Variants in UBE2E1 observed in about 807,000 individuals in gnomAD.
UBE2E1 encodes the protein ubiquitin conjugating enzyme E2 E1, also known as ubiquitin-conjugating enzyme E2 E1.
UBE2E1 carries 6 observed loss-of-function variants against 21.4 expected under a neutral mutation model. The observed-to-expected ratio is 0.28, with a 90% confidence interval of 0.15 to 0.55. The LOEUF (loss-of-function observed/expected upper bound fraction) is 0.55, where lower values mean the gene tolerates loss of function less well. Among genes scored for constraint, UBE2E1 ranks in the 20% least tolerant of loss-of-function variants. The probability of loss-of-function intolerance (pLI) is 0.93; values close to 1 mark genes in which losing one functional copy is unlikely to be tolerated. For missense variants in UBE2E1, 142 were observed against 236.5 expected (o/e 0.60, Z 2.62); for synonymous variants, 87 against 82.7 (o/e 1.05, Z -0.28).
intron 3 of UBE2E1, among the ~76,000 whole-genome samples, chr3:23,827,224 T>C (rs1487395530): frequency 1.3e-5 from 2 of 152,190 alleles, no homozygotes; most frequent in African/African-American, 4.8e-5. Context: ...TATATTTTGC[T>C]TTGGGGTGAA....
chr3:23,815,378 A>G (rs1699493971), intron 3 of UBE2E1, among the ~76,000 whole-genome samples: 1 of 152,186 alleles, frequency 6.6e-6, no homozygotes. Flanking sequence ...AATAGTTTTA[A>G]GCCATTATAT....
chr3:23,878,165 G>A (rs1187588160), intron 3 of UBE2E1, among the ~76,000 whole-genome samples: 1 of 152,166 alleles, frequency 6.6e-6, no homozygotes, highest in African/African-American at 2.4e-5. Context: ...AGGGAGAAGA[G>A]ACCACTTTAA....
At chr3:23,809,214 G>T (rs745859872) in intron 2 of UBE2E1, among the ~76,000 whole-genome samples, 1 of 152,164 alleles carries the variant, frequency 6.6e-6, no homozygotes, top group Non-Finnish European at 1.5e-5. Context: ...TGCTGAAAGA[G>T]TAGCTATTAG....
Position 23,814,236 on chromosome 3 carries a change from C to T in UBE2E1, c.203+2726C>T, listed in dbSNP as rs565802229. 4.2e-4 allele frequency among the ~76,000 whole-genome samples: 64 copies of T among 152,264 alleles called. No homozygotes were observed. In the South Asian group the frequency reaches 0.013, roughly 32 times the overall value. ...CACTGTTTGTGTTCACTAATTTTGG[C>T]ACTTGGCAAAAATATTTGAAGTTAC... On this transcript the variant is annotated intron_variant, in intron 3 of 5. Transcript: ENST00000306627.
rs1342255221 is a variant in UBE2E1 at position 23,863,923 on chromosome 3, A to G, written c.204-23644A>G. On this transcript the variant is annotated intron_variant, in intron 3 of 5. Coordinates refer to ENST00000306627, the MANE Select transcript of UBE2E1 (RefSeq NM_003341.5). The surrounding 1 kb of genome is among the most constrained non-coding windows in gnomAD (Gnocchi z 4.3). ...CCTGCTAACTCTGTTTATAGCTGTC[A>G]TACCGGATTCTCGTGTCACTGTCTT... 2.0e-5 allele frequency among the ~76,000 whole-genome samples: 3 copies of G among 152,210 alleles called. No individual in the cohort carries two copies. Among genetic ancestry groups the G allele is most frequent in the Non-Finnish European group, 2.9e-5 (2 of 68,030 alleles).
Position 23,807,399 on chromosome 3 carries a change from C to G in UBE2E1, c.130C>G (p.Leu44Val), listed in dbSNP as rs373825917. Residue 44 changes from leucine to valine, a missense_variant, in exon 2 of 6, where the codon CTC (leucine) becomes GTC (valine). Coordinates refer to ENST00000306627, the MANE Select transcript of UBE2E1 (RefSeq NM_003341.5). ...AGTCAGCATGAGCAAAAACTCCAAA[C>G]TCCTCTCCACCAGCGCCAAGAGGTA... ...SKVSMSKNSK[L>V]LSTSAKRIQK... is the part of the protein sequence containing the mutation. 13 of 1,613,380 alleles carry G rather than the reference C, an allele frequency of 8.1e-6. No individual in the cohort carries two copies. Among genetic ancestry groups the G allele is most frequent in the Non-Finnish European group, 1.1e-5 (13 of 1,179,738 alleles).
intron 3 of UBE2E1, among the ~76,000 whole-genome samples, chr3:23,833,889 T>C (rs1699919697): frequency 6.6e-6 from 1 of 152,120 alleles, no homozygotes; most frequent in South Asian, 2.1e-4. Context: ...TCCCAGCTAC[T>C]CGAGAGGCTG....
intron 3 of UBE2E1, among the ~76,000 whole-genome samples, chr3:23,812,443 G>A (rs977870241): frequency 6.6e-6 from 1 of 152,210 alleles, no homozygotes; most frequent in Non-Finnish European, 1.5e-5. Context: ...AGATGAGTGT[G>A]TGGGAATAGG....
chr3:23,806,462 C>T lies in UBE2E1; in HGVS notation c.-34+374C>T, dbSNP rs1042614463. Among the ~76,000 whole-genome samples, 3 of 151,840 alleles carry T rather than the reference C, an allele frequency of 2.0e-5. No homozygotes were observed. Among genetic ancestry groups the T allele is most frequent in the African/African-American group, 4.8e-5 (2 of 41,386 alleles). On this transcript the variant is annotated intron_variant, in intron 1 of 5. Coordinates refer to ENST00000306627, the MANE Select transcript of UBE2E1 (RefSeq NM_003341.5). This position sits in a 1 kb window ranked among gnomAD's most constrained non-coding sequence, Gnocchi z 6.5. ...GGCGGGGGTTCGCGGGGATTAACCC[C>T]TCCGGGGCGGAAGGGCTCATTGTTA...
At chr3:23,874,115 G>A (rs1404180887) in intron 3 of UBE2E1, among the ~76,000 whole-genome samples, 2 of 152,206 alleles carry the variant, frequency 1.3e-5, no homozygotes, top group Non-Finnish European at 2.9e-5. Context: ...GGCAGCAGTT[G>A]CAGTGTGGAA....
At chr3:23,889,829 G>A in intron 5 of UBE2E1, 1 of 910,140 alleles carries the variant, frequency 1.1e-6, no homozygotes, top group Non-Finnish European at 1.3e-6. Context: ...GGTCAAAGCT[G>A]CAGTGAGCCA....
At chr3:23,859,801 A>G (rs1575021934) in intron 3 of UBE2E1, among the ~76,000 whole-genome samples, 1 of 152,232 alleles carries the variant, frequency 6.6e-6, no homozygotes, top group Non-Finnish European at 1.5e-5. Context: ...ATTTGGCCTC[A>G]ACCTGCCCAT....
intron 3 of UBE2E1, among the ~76,000 whole-genome samples, chr3:23,839,525 A>C (rs1700041288): frequency 6.6e-6 from 1 of 151,928 alleles, no homozygotes; most frequent in Non-Finnish European, 1.5e-5. Context: ...CCACACATTT[A>C]TTACCATTTC....
At position 23,870,919 on chromosome 3, in the gene UBE2E1, C is replaced by T. The variant is rs1276372401; in HGVS notation, c.204-16648C>T. Among the ~76,000 whole-genome samples, 1 of 152,130 alleles carries T rather than the reference C, an allele frequency of 6.6e-6. No homozygotes were observed. The highest frequency in any genetic ancestry group is 6.5e-5 in the Admixed American group (1 of 15,276). ...GCCTTCAAGCATCTGTTTAACAAAGCACATCTTGCACCGCCCTTAATCCAT... is the reference window on the plus strand; with the variant it reads ...GCCTTCAAGCATCTGTTTAACAAAGTACATCTTGCACCGCCCTTAATCCAT... On this transcript the variant is annotated intron_variant, in intron 3 of 5. Coordinates refer to ENST00000306627, the MANE Select transcript of UBE2E1 (RefSeq NM_003341.5). The surrounding 1 kb of genome is among the most constrained non-coding windows in gnomAD (Gnocchi z 4.2).
At position 23,807,836 on chromosome 3, in the gene UBE2E1, CATGG is replaced by C. The variant is rs3217655; in HGVS notation, c.152+419_152+422del. ...CATTTTACCTTCTCCTCACCTGTTG[CATGG>C]ATGATCTTTTCTAAATAGAGCTTTC... On this transcript the variant is annotated intron_variant, in intron 2 of 5. Transcript: ENST00000306627. 5.4e-3 allele frequency: 843 copies of C among 155,102 alleles called. 14 individuals carry two copies. In the East Asian group the frequency reaches 0.057, roughly 11 times the overall value. 9.6% of individuals were successfully genotyped at this position (155,102 alleles called of 1,614,324 possible).
At chr3:23,855,269 G>A (rs984157776) in intron 3 of UBE2E1, among the ~76,000 whole-genome samples, 7 of 152,054 alleles carry the variant, frequency 4.6e-5, no homozygotes, top group African/African-American at 1.7e-4. Context: ...ACTAGTTTAT[G>A]TTTTAATTTT....
At chr3:23,817,686 AG>A in intron 3 of UBE2E1, among the ~76,000 whole-genome samples, 1 of 152,236 alleles carries the variant, frequency 6.6e-6, no homozygotes, top group African/African-American at 2.4e-5. Flanking sequence ...GGGGTGGGGA[AG>A]AATAAGGGAT....
At position 23,887,895 on chromosome 3, in the gene UBE2E1, T is replaced by C. The variant is rs1575044892; in HGVS notation, c.336+196T>C. The C allele has an allele frequency of 3.0e-6, 2 of 670,062 alleles. No individual in the cohort carries two copies. Among genetic ancestry groups the C allele is most frequent in the Non-Finnish European group, 4.8e-6 (2 of 417,416 alleles). The allele number at this position is 670,062 out of a possible 1,614,324, so 41.5% of individuals were successfully genotyped here. Reference sequence around the variant, plus strand: ...TGGCAGAGACCATTCTAGGATTAAGTGCTTTGTTTTGATGGTGCTTAAAAT... The same window carrying C: ...TGGCAGAGACCATTCTAGGATTAAGCGCTTTGTTTTGATGGTGCTTAAAAT... On this transcript the variant is annotated intron_variant, in intron 4 of 5. Transcript: ENST00000306627. The surrounding 1 kb of genome is among the most constrained non-coding windows in gnomAD (Gnocchi z 4.4).
chr3:23,868,532 C>T (rs2125317858), intron 3 of UBE2E1, among the ~76,000 whole-genome samples: 1 of 152,238 alleles, frequency 6.6e-6, no homozygotes, highest in South Asian at 2.1e-4. Flanking sequence ...TGGTCTCGAT[C>T]TCCTGACCTT....
Sources: allele counts gnomAD v4.1 joint callset (sites outside exome capture counted in the v4.1 genomes callset), GRCh38; gene constraint gnomAD v4.1.1; non-coding constraint Gnocchi (gnomAD v3.1); transcripts MANE v1.5; gene names NCBI Gene and HGNC (gene_info 2026-07-23, HGNC 2026-07-21).